EML1: variants seen among roughly 807,000 people sequenced by gnomAD.
EML1 encodes echinoderm microtubule-associated protein-like 1.
Under a neutral mutation model 110.4 loss-of-function variants are expected in EML1, and 27 were observed. The observed-to-expected ratio is 0.24, with a 90% confidence interval of 0.18 to 0.34. The LOEUF (loss-of-function observed/expected upper bound fraction) is 0.34, where lower values mean the gene tolerates loss of function less well. EML1 is among the 10% of genes least tolerant of loss of function. The probability of loss-of-function intolerance (pLI) is 1.00; values close to 1 mark genes in which losing one functional copy is unlikely to be tolerated. For synonymous variants in EML1, 344 were observed against 385.8 expected (o/e 0.89, Z 1.27); for missense variants, 741 against 1,030.9 (o/e 0.72, Z 3.85).
chr14:99,738,923 C>T (rs1413949535), intron 1 of EML1, among the ~76,000 whole-genome samples: 2 of 152,152 alleles, frequency 1.3e-5, no homozygotes, highest in Non-Finnish European at 1.5e-5. Flanking sequence ...CTCGGAGGCT[C>T]TCGGAACTCA....
At chr14:99,738,550 G>A (rs1462309127) in intron 1 of EML1, among the ~76,000 whole-genome samples, 1 of 152,196 alleles carries the variant, frequency 6.6e-6, no homozygotes, top group Non-Finnish European at 1.5e-5. Context: ...CAAATCCAGG[G>A]GGACTCTGGA....
intron 3 of EML1, among the ~76,000 whole-genome samples, chr14:99,873,790 G>A (rs986797982): frequency 2.6e-5 from 4 of 152,212 alleles, no homozygotes; most frequent in Admixed American, 1.3e-4. Context: ...ACTGAAGTGC[G>A]TTATCTCAGT....
At chr14:99,908,706 G>A (rs184785517) in intron 10 of EML1, among the ~76,000 whole-genome samples, 92 of 152,270 alleles carry the variant, frequency 6.0e-4, no homozygotes, top group Admixed American at 9.8e-4. Context: ...TGAAGGTGGC[G>A]GAGGTGGCAC....
At chr14:99,821,915 G>T (rs1344334613) in intron 1 of EML1, among the ~76,000 whole-genome samples, 1 of 152,232 alleles carries the variant, frequency 6.6e-6, no homozygotes, top group Non-Finnish European at 1.5e-5. Flanking sequence ...GATAGCTAGA[G>T]TGTTTGTTCA....
intron 1 of EML1, 116 bp from the exon 2 acceptor site, chr14:99,850,737 C>A: frequency 9.3e-7 from 1 of 1,074,546 alleles, no homozygotes; most frequent in Non-Finnish European, 1.4e-6. Context: ...ATCTGTAGTC[C>A]GTAAGTGTTA....
chr14:99,815,119 C>T (rs1308193080), intron 1 of EML1, among the ~76,000 whole-genome samples: 1 of 148,606 alleles, frequency 6.7e-6, no homozygotes, highest in Non-Finnish European at 1.5e-5. Context: ...TATGCTAAAA[C>T]TGGGATCTGT....
chr14:99,901,197 G>A (rs1278312590), intron 9 of EML1, among the ~76,000 whole-genome samples, 158 bp downstream of exon 9: 2 of 152,190 alleles, frequency 1.3e-5, no homozygotes, highest in African/African-American at 4.8e-5. Context: ...CCCTCAGTCA[G>A]AGGTCATATG....
intron 2 of EML1, among the ~76,000 whole-genome samples, chr14:99,859,645 C>G (rs1238072977): frequency 6.6e-6 from 1 of 152,094 alleles, no homozygotes; most frequent in East Asian, 1.9e-4. Context: ...CCTTCCCCTC[C>G]TCTCCACTAC....
intron 1 of EML1, among the ~76,000 whole-genome samples, chr14:99,744,119 CTT>C (rs2057076574): frequency 6.6e-6 from 1 of 152,176 alleles, no homozygotes; most frequent in Non-Finnish European, 1.5e-5. Context: ...AAAACAGCCT[CTT>C]TGGTTATTTT....
intron 1 of EML1, among the ~76,000 whole-genome samples, chr14:99,802,716 G>A (rs1200724418): frequency 6.6e-6 from 1 of 152,084 alleles, no homozygotes; most frequent in African/African-American, 2.4e-5. Context: ...TACAAGCTGA[G>A]GTGCTGAGCA....
intron 1 of EML1, among the ~76,000 whole-genome samples, chr14:99,821,650 C>A (rs1444788664): frequency 3.3e-5 from 5 of 152,200 alleles, no homozygotes; most frequent in African/African-American, 9.7e-5. Context: ...ATTTGTCACA[C>A]CTGCTGCCTT....
Position 99,801,013 on chromosome 14 carries a change from C to T in EML1, c.67+7470C>T, listed in dbSNP as rs112641476. On this transcript the variant is annotated intron_variant, in intron 1 of 21. Coordinates refer to ENST00000262233, the MANE Select transcript of EML1 (RefSeq NM_004434.3). Reference sequence around the variant, plus strand: ...GGAGGGGAAGCAGAGGTGACTGGCCCCCTGAGGCCAGCGGCCAGATCCATG... The same window carrying T: ...GGAGGGGAAGCAGAGGTGACTGGCCTCCTGAGGCCAGCGGCCAGATCCATG... 3.0e-3 allele frequency among the ~76,000 whole-genome samples: 461 copies of T among 152,316 alleles called. 2 individuals carry two copies. The highest frequency in any genetic ancestry group is 0.011 in the African/African-American group (448 of 41,570).
chr14:99,925,370 G>C (rs2060215265), intron 17 of EML1, among the ~76,000 whole-genome samples: 1 of 147,574 alleles, frequency 6.8e-6, no homozygotes. Flanking sequence ...AAGTGATTCT[G>C]CCACCTCAGC....
intron 4 of EML1, among the ~76,000 whole-genome samples, chr14:99,887,613 C>T (rs192596259): frequency 1.3e-5 from 2 of 152,268 alleles, no homozygotes; most frequent in Non-Finnish European, 2.9e-5. Context: ...TTTTTTCCAC[C>T]GAGCTCACAT....
chr14:99,840,191 A>G (rs565743442), intron 1 of EML1, among the ~76,000 whole-genome samples: 2 of 152,216 alleles, frequency 1.3e-5, no homozygotes, highest in African/African-American at 4.8e-5. Context: ...TTACTGCTTA[A>G]ATGATTGGTT....
upstream of EML1, among the ~76,000 whole-genome samples, chr14:99,769,421 A>T (rs971229398): frequency 3.2e-4 from 49 of 152,140 alleles, no homozygotes; most frequent in Admixed American, 3.0e-3. Flanking sequence ...GCTTGTCCTC[A>T]GTAGGCAGTG....
rs2140084131 is a variant in EML1 at position 99,920,809 on chromosome 14, A to C, written c.1841A>C (p.Glu614Ala). 1 of 1,613,638 alleles carries C rather than the reference A, an allele frequency of 6.2e-7. No homozygotes were observed. Among genetic ancestry groups the C allele is most frequent in the African/African-American group, 1.3e-5 (1 of 75,038 alleles). ...AACAGGTGGTTTGTGTTTGACACAG[A>C]AACAAAAGACTTGGTCACCGTTCAC... ...LTGRWFVFDT[E>A]TKDLVTVHTD... is the part of the protein sequence containing the mutation. The change falls in exon 17 of 22, where the codon GAA becomes GCA. Residue 614 changes from glutamate (E) to alanine (A), a missense_variant. Around this residue, in one of 4 missense-constraint regions of EML1, gnomAD observed 388 missense variants for 605.6 expected, o/e 0.64. Coordinates refer to ENST00000262233, the MANE Select transcript of EML1 (RefSeq NM_004434.3).
At chr14:99,935,517 G>T (rs566033630) in intron 17 of EML1, among the ~76,000 whole-genome samples, 19 of 151,908 alleles carry the variant, frequency 1.3e-4, no homozygotes, top group Admixed American at 4.6e-4. Flanking sequence ...GGACGCAGTG[G>T]CTCACACCTT....
At chr14:99,866,656 T>G (rs2139889127) in intron 3 of EML1, among the ~76,000 whole-genome samples, 1 of 151,014 alleles carries the variant, frequency 6.6e-6, no homozygotes, top group South Asian at 2.1e-4. Flanking sequence ...TCTCTAGAAC[T>G]TTTTCATCAG....
Sources: gnomAD v4.1 joint callset for allele counts (sites outside exome capture counted in the v4.1 genomes callset) on GRCh38, gnomAD v4.1.1 for gene constraint, gnomAD v4.1.1 regional missense constraint, MANE v1.5 for transcripts, NCBI Gene and HGNC (gene_info 2026-07-23, HGNC 2026-07-21) for gene names.